UTP6: variants seen among roughly 807,000 people sequenced by gnomAD.
UTP6 encodes the protein UTP6 small subunit processome component.
UTP6 carries 60 observed loss-of-function variants against 96.5 expected under a neutral mutation model. The observed-to-expected ratio is 0.62, with a 90% CI of 0.51 to 0.77. The LOEUF (loss-of-function observed/expected upper bound fraction) is 0.77. UTP6 is among the 30% of genes least tolerant of loss of function. The pLI is 0.00. For synonymous variants in UTP6, 215 were observed against 240.1 expected (o/e 0.90, Z 0.96); for missense variants, 637 against 706.5 (o/e 0.90, Z 1.12).
At chr17:31,898,044 T>C (rs192326383) in intron 2 of UTP6, among the ~76,000 whole-genome samples, 3 of 151,588 alleles carry the variant, frequency 2.0e-5, no homozygotes, top group Admixed American at 2.0e-4. Flanking sequence ...TGATACACAC[T>C]ATGTCTCTGA....
intron 4 of UTP6, among the ~76,000 whole-genome samples, chr17:31,893,090 G>A (rs144119986): frequency 6.6e-6 from 1 of 152,158 alleles, no homozygotes; most frequent in East Asian, 1.9e-4. Flanking sequence ...GTCAAATATG[G>A]TGAAACCCCG....
Position 31,870,964 on chromosome 17 carries a change from T to C in UTP6, c.1496+2414A>G, listed in dbSNP as rs990515631. Among the ~76,000 whole-genome samples the C allele has an allele frequency of 4.7e-5, 7 of 150,472 alleles. No individual in the cohort carries two copies. The South Asian group carries it at 1.3e-3, about 27-fold the overall frequency. ...CCAAGTAGCTAAAATCACAGGCACA[T>C]GCCATGACACCCAACTTTTTAAGTT... is the stretch of plus-strand genomic sequence containing the variant. On this transcript the variant is annotated intron_variant, in intron 16 of 18. Coordinates refer to ENST00000261708, the MANE Select transcript of UTP6 (RefSeq NM_018428.3).
At chr17:31,892,599 T>A in intron 5 of UTP6, 148 bp downstream of exon 5, 1 of 860,048 alleles carries the variant, frequency 1.2e-6, no homozygotes, top group Non-Finnish European at 1.8e-6. Context: ...GTCATTCAGA[T>A]ATCCAATGTT....
At chr17:31,867,179 T>C (rs979197427) in intron 17 of UTP6, among the ~76,000 whole-genome samples, 1 of 152,080 alleles carries the variant, frequency 6.6e-6, no homozygotes, top group African/African-American at 2.4e-5. Context: ...CTATCTCCTA[T>C]ACTATAAAAC....
At chr17:31,884,533 GTT>G in intron 9 of UTP6, 28 bp from the exon 10 acceptor site, 3 of 1,396,558 alleles carry the variant, frequency 2.1e-6, no homozygotes, top group Non-Finnish European at 2.0e-6. Context: ...GGGAGGGGAA[GTT>G]TATTGCCAAT....
rs547476202 is a variant in UTP6 at position 31,895,512 on chromosome 17, C to T, written c.178-501G>A. The stretch of plus-strand genomic sequence containing the variant: ...TAAATTTTACATAAATGGTATCATG[C>T]TACATCCATCAATCCATAGGTGTTT... On this transcript the variant is annotated intron_variant, in intron 2 of 18. Transcript: ENST00000261708. Among the ~76,000 whole-genome samples the T allele has an allele frequency of 2.0e-5, 3 of 152,132 alleles. No individual in the cohort carries two copies. The South Asian group carries it at 6.2e-4, about 32-fold the overall frequency.
intron 16 of UTP6, among the ~76,000 whole-genome samples, chr17:31,871,114 C>T (rs1910146946): frequency 6.6e-6 from 1 of 151,622 alleles, no homozygotes. Context: ...CTTAGCCTCC[C>T]AAGTAGCTGG....
intron 13 of UTP6, among the ~76,000 whole-genome samples, chr17:31,876,042 C>CT (rs199842303): frequency 0.012 from 1,889 of 151,162 alleles, 15 homozygotes; most frequent in Non-Finnish European, 0.019. Flanking sequence ...TTTTCTTTTT[C>CT]TTTTTTTTGG....
Position 31,892,829 on chromosome 17 carries a change from T to A in UTP6, c.313-35A>T, listed in dbSNP as rs1258638811. 3.1e-6 allele frequency: 5 copies of A among 1,613,446 alleles called. No individual in the cohort carries two copies. In the South Asian group the frequency reaches 5.5e-5, roughly 18 times the overall value. On this transcript the variant is annotated intron_variant, in intron 4 of 18. Transcript: ENST00000261708. ...AAGCAATGTAGTAAGCTGCCCAAAT[T>A]TGACCTTTACATATAATACACCTTT...
intron 11 of UTP6, among the ~76,000 whole-genome samples, chr17:31,879,880 C>A (rs1383799044): frequency 1.3e-5 from 2 of 151,848 alleles, no homozygotes; most frequent in African/African-American, 2.4e-5. Flanking sequence ...CCAAAGTGAG[C>A]AAACCACCTG....
intron 7 of UTP6, 62 bp from the exon 8 acceptor site, chr17:31,887,375 G>A (rs1911213138): frequency 1.4e-6 from 2 of 1,417,808 alleles, no homozygotes; most frequent in Non-Finnish European, 9.9e-7. Context: ...TTTGAGACAG[G>A]GTCTTGCTCT....
intron 4 of UTP6, among the ~76,000 whole-genome samples, chr17:31,893,467 CAGGCCTGTAATCCCAGCACTTTTGG>C (rs1286837721): frequency 2.0e-5 from 3 of 149,068 alleles, no homozygotes; most frequent in African/African-American, 7.4e-5. Context: ...CACAATGGCT[CAGGCCTGTAATCCCAGCACTTTTGG>C]AGGCTGAGGC....
At chr17:31,888,569 C>T (rs1052534258) in intron 7 of UTP6, among the ~76,000 whole-genome samples, 2 of 152,102 alleles carry the variant, frequency 1.3e-5, no homozygotes, top group Non-Finnish European at 2.9e-5. Flanking sequence ...ATTAGCCGGA[C>T]GTGGGATCCC....
intron 14 of UTP6, chr17:31,874,068 T>C: frequency 3.7e-6 from 1 of 269,888 alleles, no homozygotes; most frequent in Non-Finnish European, 6.9e-6. Context: ...AGTTCCTTTC[T>C]ATTGGGAAAT....
chr17:31,868,325 G>GTTTTTTTTTTTTTTT (rs33960994), intron 16 of UTP6, among the ~76,000 whole-genome samples: 2 of 90,504 alleles, frequency 2.2e-5, no homozygotes, highest in African/African-American at 4.2e-5. Context: ...TAGTTTTTTG[G>GTTTTTTTTTTTTTTT]TTTTTTTTTT....
chr17:31,901,358 G>C (rs944857398), intron 1 of UTP6, 178 bp downstream of exon 1: 56 of 608,266 alleles, frequency 9.2e-5, no homozygotes, highest in Non-Finnish European at 1.4e-4. Context: ...TAGACGGACG[G>C]ATTACCTTGC....
chr17:31,878,403 A>T, intron 12 of UTP6, 76 bp from the exon 13 acceptor site: 2 of 1,405,266 alleles, frequency 1.4e-6, no homozygotes, highest in Non-Finnish European at 2.0e-6. Flanking sequence ...GAACAAAAGC[A>T]GTTTTGCGCA....
chr17:31,870,987 G>GGT (rs1910134319), intron 16 of UTP6, among the ~76,000 whole-genome samples: 2 of 111,086 alleles, frequency 1.8e-5, no homozygotes, highest in African/African-American at 6.6e-5. Flanking sequence ...AACTTTTTAA[G>GGT]TTTTTTTTTT....
chr17:31,895,124 T>C, intron 2 of UTP6, 113 bp from the exon 3 acceptor site: 1 of 777,312 alleles, frequency 1.3e-6, no homozygotes, highest in Non-Finnish European at 2.0e-6. Context: ...AAATAAAAAA[T>C]AATGTGCTAT....
Sources: gnomAD v4.1 joint callset for allele counts (sites outside exome capture counted in the v4.1 genomes callset) on GRCh38, gnomAD v4.1.1 for gene constraint, MANE v1.5 for transcripts, NCBI Gene and HGNC (gene_info 2026-07-23, HGNC 2026-07-21) for gene names.